Variants in PIK3C2G observed in about 807,000 individuals in gnomAD.
PIK3C2G encodes phosphatidylinositol-4-phosphate 3-kinase catalytic subunit type 2 gamma.
A neutral mutation model predicts 181.1 loss-of-function variants in PIK3C2G; 168 were observed. The observed-to-expected ratio is 0.93, with a 90% confidence interval of 0.82 to 1.05. PIK3C2G has a LOEUF of 1.05. PIK3C2G is among the 50% of genes least tolerant of loss of function. PIK3C2G has a pLI of 0.00. For synonymous variants in PIK3C2G, 573 were observed against 592.2 expected, an observed-to-expected ratio of 0.97 and a Z score of 0.47; for missense variants, 1,869 against 1,732.8, an observed-to-expected ratio of 1.08 and a Z score of -1.40.
intron 29 of PIK3C2G, among the ~76,000 whole-genome samples, chr12:18,585,792 T>C (rs1946741368): frequency 6.6e-6 from 1 of 152,148 alleles, no homozygotes; most frequent in East Asian, 1.9e-4. Flanking sequence ...AATCACACAA[T>C]TGGACAAATA....
upstream of PIK3C2G, among the ~76,000 whole-genome samples, chr12:18,245,129 A>G (rs10743263): frequency 0.99 from 150,580 of 152,178 alleles, 74,511 homozygotes; most frequent in East Asian, 1. Flanking sequence ...GCCTCAATTG[A>G]GGAATTATTG....
intron 16 of PIK3C2G, among the ~76,000 whole-genome samples, chr12:18,419,722 GACTA>G (rs768249227): frequency 1.4e-4 from 21 of 152,146 alleles, no homozygotes; most frequent in Non-Finnish European, 3.1e-4. Context: ...AGTTTTGACT[GACTA>G]ACCTTATAGG....
At chr12:18,551,178 A>T (rs1400328492) in intron 26 of PIK3C2G, among the ~76,000 whole-genome samples, 1 of 151,662 alleles carries the variant, frequency 6.6e-6, no homozygotes, top group Non-Finnish European at 1.5e-5. Context: ...ACTCTCTTTC[A>T]CTCCCCTTAC....
chr12:18,720,893 G>T, the PIK3C2G span, among the ~76,000 whole-genome samples: 1 of 151,986 alleles, frequency 6.6e-6, no homozygotes, highest in Non-Finnish European at 1.5e-5. Context: ...ATATAGTGAT[G>T]TAAGTAAATG....
upstream of PIK3C2G, among the ~76,000 whole-genome samples, chr12:18,261,236 T>A (rs926360544): frequency 6.6e-6 from 1 of 152,096 alleles, no homozygotes; most frequent in African/African-American, 2.4e-5. Context: ...ATGCCCACCT[T>A]ACACATTTTT....
At chr12:18,683,729 A>G in the PIK3C2G span, 3 of 845,500 alleles carry the variant, frequency 3.5e-6, no homozygotes, top group Non-Finnish European at 5.2e-6. Flanking sequence ...GTCAGCCCTG[A>G]AAAGGGGTCA....
exon 1 of PIK3C2G, chr12:18,247,687 C>T (rs934945878): frequency 3.9e-5 from 6 of 152,200 alleles, no homozygotes; most frequent in African/African-American, 1.2e-4. Context: ...AGTTGATCAG[C>T]ACCATCTTGT....
At chr12:18,572,962 A>T (rs554031523) in intron 29 of PIK3C2G, among the ~76,000 whole-genome samples, 1 of 152,062 alleles carries the variant, frequency 6.6e-6, no homozygotes, top group East Asian at 1.9e-4. Context: ...TTTACTGAAA[A>T]TCTCAGCCTT....
At chr12:18,423,805 A>T (rs1592223751) in intron 17 of PIK3C2G, 140 bp from the exon 18 acceptor site, 1 of 618,558 alleles carries the variant, frequency 1.6e-6, no homozygotes, top group East Asian at 2.8e-5. Context: ...CCGACTCATA[A>T]AATCATCGAA....
the PIK3C2G span, among the ~76,000 whole-genome samples, chr12:18,654,792 G>T: frequency 6.6e-6 from 1 of 152,148 alleles, no homozygotes; most frequent in Admixed American, 6.6e-5. Flanking sequence ...TTGAACAAGG[G>T]ATAAGTGACA....
chr12:18,721,072 T>C, the PIK3C2G span, among the ~76,000 whole-genome samples: 1 of 152,118 alleles, frequency 6.6e-6, no homozygotes, highest in African/African-American at 2.4e-5. Flanking sequence ...AAATGAATCA[T>C]GCATTGTAAC....
intron 5 of PIK3C2G, among the ~76,000 whole-genome samples, chr12:18,312,794 C>T (rs1021475864): frequency 6.6e-6 from 1 of 151,922 alleles, no homozygotes; most frequent in African/African-American, 2.4e-5. Context: ...CAGATAGGTA[C>T]TAAGTTTTTT....
At chr12:18,340,133 T>C (rs1249162754) in intron 9 of PIK3C2G, among the ~76,000 whole-genome samples, 1 of 152,164 alleles carries the variant, frequency 6.6e-6, no homozygotes, top group Admixed American at 6.5e-5. Flanking sequence ...AATTTGATCA[T>C]ATATAATATA....
At chr12:18,305,480 T>G (rs998676010) in intron 5 of PIK3C2G, among the ~76,000 whole-genome samples, 6 of 152,146 alleles carry the variant, frequency 3.9e-5, no homozygotes, top group Non-Finnish European at 7.4e-5. Context: ...ATTGTAGATG[T>G]ATAATACCAA....
chr12:18,637,009 G>A (rs1256913683), intron 31 of PIK3C2G, among the ~76,000 whole-genome samples: 1 of 152,110 alleles, frequency 6.6e-6, no homozygotes, highest in African/African-American at 2.4e-5. Flanking sequence ...AGAATCCACA[G>A]GGCCCACTGT....
chr12:18,272,388 C>G (rs559810003), intron 1 of PIK3C2G, among the ~76,000 whole-genome samples: 53 of 152,124 alleles, frequency 3.5e-4, no homozygotes, highest in Non-Finnish European at 6.0e-4. Context: ...AATTCTTTAT[C>G]AGGAAGCACA....
chr12:18,559,074 A>G (rs1565506073), intron 26 of PIK3C2G, among the ~76,000 whole-genome samples: 1 of 152,336 alleles, frequency 6.6e-6, no homozygotes, highest in East Asian at 1.9e-4. Flanking sequence ...AAGTTCAAAA[A>G]AGAATGATGT....
intron 26 of PIK3C2G, among the ~76,000 whole-genome samples, chr12:18,552,134 G>T (rs867187195): frequency 1.3e-5 from 2 of 152,058 alleles, no homozygotes; most frequent in African/African-American, 4.8e-5. Context: ...AAATGTGGAT[G>T]GCATCCCGAG....
intron 29 of PIK3C2G, among the ~76,000 whole-genome samples, chr12:18,578,081 G>T (rs1005765761): frequency 1.3e-5 from 2 of 152,150 alleles, no homozygotes; most frequent in African/African-American, 4.8e-5. Flanking sequence ...CCTTAAACAT[G>T]CTGGTTCTAA....
Sources: gnomAD v4.1 joint callset for allele counts (sites outside exome capture counted in the v4.1 genomes callset) on GRCh38, gnomAD v4.1.1 for gene constraint, MANE v1.5 for transcripts, NCBI Gene and HGNC (gene_info 2026-07-23, HGNC 2026-07-21) for gene names.